MYO1H: variants seen among roughly 807,000 people sequenced by gnomAD.
The protein encoded by MYO1H is unconventional myosin-Ih.
A neutral mutation model predicts 149.3 loss-of-function variants in MYO1H; 118 were observed. The ratio of observed to expected loss-of-function variants is 0.79; its 90% CI spans 0.68 to 0.92. The LOEUF (loss-of-function observed/expected upper bound fraction) is 0.92. MYO1H is among the 40% of genes least tolerant of loss of function. The pLI is 0.00. For synonymous variants in MYO1H, 447 were observed against 465.2 expected, an observed-to-expected ratio of 0.96 and a Z score of 0.50; for missense variants, 1,212 against 1,280.7, an observed-to-expected ratio of 0.95 and a Z score of 0.82.
chr12:109,368,093 C>T lies in MYO1H; in HGVS notation c.12+20121C>T, dbSNP rs1364825045. Among the ~76,000 whole-genome samples, 13 of 152,194 alleles carry T rather than the reference C, an allele frequency of 8.5e-5. 1 individual carries two copies. The highest frequency in any genetic ancestry group is 1.9e-4 in the Non-Finnish European group (13 of 68,034). On this transcript the variant is annotated intron_variant, in intron 1 of 31. Coordinates refer to ENST00000310903, the Ensembl canonical transcript of MYO1H. ...TCTTGACCTAGCAATTCCTCCTCTG[C>T]AAGTATCTCCTACTGGTTCTCTCAA...
chr12:109,384,101 A>C (rs1869258909), intron 1 of MYO1H, among the ~76,000 whole-genome samples: 1 of 152,236 alleles, frequency 6.6e-6, no homozygotes, highest in Non-Finnish European at 1.5e-5. Flanking sequence ...AAGTTCTGGC[A>C]ACACAGGCCC....
the MYO1H span, among the ~76,000 whole-genome samples, chr12:109,341,753 A>G: frequency 2.6e-5 from 4 of 152,168 alleles, no homozygotes; most frequent in Middle Eastern, 6.3e-3. Flanking sequence ...TCAGTGATGA[A>G]TCAAGTACTG....
chr12:109,444,450 T>G (rs1566046079), exon 30 of MYO1H: 3 of 1,613,994 alleles, frequency 1.9e-6, no homozygotes, highest in Admixed American at 3.3e-5. Context: ...CGTTTTGCAG[T>G]GTGGACACGT....
Position 109,409,225 on chromosome 12 carries a change from T to TTTC in MYO1H, c.1156-311_1156-309dup, listed in dbSNP as rs1213445821. 1.0e-3 allele frequency among the ~76,000 whole-genome samples: 108 copies of TTTC among 105,068 alleles called. 1 individual carries two copies. The highest frequency in any genetic ancestry group is 2.6e-3 in the South Asian group (9 of 3,422). 68.9% of individuals were successfully genotyped at this position (105,068 alleles called of 152,430 possible). Reference sequence around the variant, plus strand: ...TCTCCTTCTTCTTCTCCTTCTTCTTTTTCTTCTTCTTCTTCTTCTTCTTTT... The same window carrying TTTC: ...TCTCCTTCTTCTTCTCCTTCTTCTTTTTCTTCTTCTTCTTCTTCTTCTTCTTTT... On this transcript the variant is annotated intron_variant, in intron 10 of 31. Transcript: ENST00000310903.
In MYO1H at chr12:109,415,631, G is replaced by A. The variant is rs374272711; in HGVS notation, c.1597+11G>A. 2.1e-5 allele frequency: 33 copies of A among 1,577,580 alleles called. No homozygotes were observed. The highest frequency in any genetic ancestry group is 3.6e-5 in the Admixed American group (2 of 55,192). ...CATACTGCACCAAGGGTGAGTGGCC[G>A]TGGGGTACAGGTGACAGCCATGTAT... On this transcript the variant is annotated intron_variant, in intron 15 of 31. Transcript: ENST00000310903.
chr12:109,383,552 G>A (rs1869247371), intron 1 of MYO1H, among the ~76,000 whole-genome samples: 1 of 152,188 alleles, frequency 6.6e-6, no homozygotes, highest in Admixed American at 6.5e-5. Context: ...TCCATGTGAT[G>A]GCTCAGGAAT....
rs545791165 is a variant in MYO1H at position 109,396,835 on chromosome 12, T to G, written c.489+253T>G. 1.6e-4 allele frequency among the ~76,000 whole-genome samples: 22 copies of G among 134,916 alleles called. 1 individual carries two copies. Among genetic ancestry groups the G allele is most frequent in the African/African-American group, 5.5e-4 (20 of 36,346 alleles). The allele number at this position is 134,916 out of a possible 152,430, so 88.5% of individuals were successfully genotyped here. A position where few individuals can be genotyped will look rare whatever the true frequency, so the allele number is the denominator to read the frequency against. On this transcript the variant is annotated intron_variant, in intron 4 of 31. Coordinates refer to ENST00000310903, the Ensembl canonical transcript of MYO1H. Reference sequence around the variant, plus strand: ...TTTCGTTTTTTTTTTTTTTTTTTTTTTTTTTTTTTGAGACGGAGTCTCTCT... The same window carrying G: ...TTTCGTTTTTTTTTTTTTTTTTTTTGTTTTTTTTTGAGACGGAGTCTCTCT...
At chr12:109,353,393 CAA>C (rs55927192) in intron 1 of MYO1H, among the ~76,000 whole-genome samples, 1 of 79,296 alleles carries the variant, frequency 1.3e-5, no homozygotes, top group African/African-American at 4.7e-5. Context: ...GACTCCGTCT[CAA>C]AAAAAAAAAA....
chr12:109,442,996 G>GAAAAAAA (rs1872216280), intron 27 of MYO1H, among the ~76,000 whole-genome samples: 2 of 62,444 alleles, frequency 3.2e-5, no homozygotes, highest in African/African-American at 1.8e-4. Flanking sequence ...CAGAGAGCCA[G>GAAAAAAA]GAAAAAAAAA....
At chr12:109,425,675 G>A (rs1189807626) in intron 17 of MYO1H, among the ~76,000 whole-genome samples, 1 of 152,188 alleles carries the variant, frequency 6.6e-6, no homozygotes, top group East Asian at 1.9e-4. Flanking sequence ...ACTGGTTCCT[G>A]CTGGGCACTC....
At chr12:109,429,667 T>A (rs1871528146) in intron 19 of MYO1H, among the ~76,000 whole-genome samples, 1 of 151,972 alleles carries the variant, frequency 6.6e-6, no homozygotes, top group South Asian at 2.1e-4. Flanking sequence ...CGATGAGGGG[T>A]GACTGCATAA....
Position 109,401,419 on chromosome 12 carries a change from G to C in MYO1H, c.750+147G>C. 3.9e-6 allele frequency: 3 copies of C among 770,950 alleles called. No homozygotes were observed. The South Asian group carries it at 6.7e-5, about 17-fold the overall frequency. The allele number at this position is 770,950 out of a possible 1,614,324, so 47.8% of individuals were successfully genotyped here. On this transcript the variant is annotated intron_variant, in intron 6 of 31. Coordinates refer to ENST00000310903, the Ensembl canonical transcript of MYO1H. ...TGATTTCTCCATATATATATCACAA[G>C]CAATCTAATCCATCTCCTCTTATGC...
At chr12:109,423,940 A>C in intron 16 of MYO1H, among the ~76,000 whole-genome samples, 1 of 152,230 alleles carries the variant, frequency 6.6e-6, no homozygotes, top group East Asian at 1.9e-4. Context: ...GGCGAAAGTC[A>C]AACAGTCCAA....
intron 1 of MYO1H, among the ~76,000 whole-genome samples, chr12:109,381,676 C>T (rs1869208423): frequency 6.6e-6 from 1 of 151,876 alleles, no homozygotes; most frequent in African/African-American, 2.4e-5. Flanking sequence ...TGTGGTGGTG[C>T]AAGCCTATAA....
At chr12:109,367,168 A>G (rs1868881897) in intron 1 of MYO1H, among the ~76,000 whole-genome samples, 1 of 152,230 alleles carries the variant, frequency 6.6e-6, no homozygotes, top group African/African-American at 2.4e-5. Flanking sequence ...AAAGTTTCAT[A>G]AGCAAAGTCA....
chr12:109,367,255 C>T (rs1429023351), intron 1 of MYO1H, among the ~76,000 whole-genome samples: 2 of 152,152 alleles, frequency 1.3e-5, no homozygotes, highest in East Asian at 3.9e-4. Context: ...ACAAAGAGAC[C>T]ATACAAATGA....
At chr12:109,351,554 C>T (rs1025955247) in intron 1 of MYO1H, among the ~76,000 whole-genome samples, 2 of 152,130 alleles carry the variant, frequency 1.3e-5, no homozygotes, top group African/African-American at 4.8e-5. Flanking sequence ...CCTGTAATTG[C>T]GTTATATTTC....
At chr12:109,347,428 C>T (rs146260909), upstream of MYO1H, among the ~76,000 whole-genome samples, 48 of 152,110 alleles carry the variant, frequency 3.2e-4, no homozygotes, top group African/African-American at 1.2e-3. Flanking sequence ...AAGTAAAGTC[C>T]TGAGTCTCCG....
intron 1 of MYO1H, among the ~76,000 whole-genome samples, chr12:109,355,331 G>A (rs183441157): frequency 1.8e-4 from 27 of 152,170 alleles, no homozygotes; most frequent in African/African-American, 2.4e-4. Flanking sequence ...GGAAACGTGC[G>A]ACTGGGTCAT....
Sources: gnomAD v4.1 joint callset for allele counts (sites outside exome capture counted in the v4.1 genomes callset) on GRCh38, gnomAD v4.1.1 for gene constraint, MANE v1.5 for transcripts, NCBI Gene and HGNC (gene_info 2026-07-23, HGNC 2026-07-21) for gene names.